PIK3AP1: variants seen among roughly 807,000 people sequenced by gnomAD.
PIK3AP1 encodes phosphoinositide 3-kinase adapter protein 1.
In PIK3AP1, 21 loss-of-function variants were observed where a neutral mutation model predicts 88.1. That is an observed-to-expected ratio of 0.24 (90% CI 0.17 to 0.34). The LOEUF (loss-of-function observed/expected upper bound fraction) is 0.34. PIK3AP1 is among the 10% of genes least tolerant of loss of function. The pLI is 1.00. For missense variants in PIK3AP1, 828 were observed against 1,035.7 expected, an observed-to-expected ratio of 0.80 and a Z score of 2.75; for synonymous variants, 398 against 400.0, an observed-to-expected ratio of 1.00 and a Z score of 0.06.
intron 12 of PIK3AP1, among the ~76,000 whole-genome samples, chr10:96,617,077 G>A (rs1202947255): frequency 6.6e-6 from 1 of 152,110 alleles, no homozygotes; most frequent in African/African-American, 2.4e-5. Flanking sequence ...ATGGATGTTG[G>A]TTCTTCTCCA....
intron 11 of PIK3AP1, chr10:96,621,832 T>C (rs559675265): frequency 1.3e-5 from 2 of 152,382 alleles, no homozygotes; most frequent in South Asian, 4.1e-4. Flanking sequence ...GTGTGTCCTG[T>C]GTATTGTAGG....
At chr10:96,614,624 C>T (rs1849183887) in intron 13 of PIK3AP1, among the ~76,000 whole-genome samples, 1 of 152,182 alleles carries the variant, frequency 6.6e-6, no homozygotes, top group African/African-American at 2.4e-5. Flanking sequence ...CATGGTGGAA[C>T]AGACCCTAGT....
Position 96,713,137 on chromosome 10 carries a change from G to A in PIK3AP1, c.14-3154C>T, listed in dbSNP as rs977169995. Among the ~76,000 whole-genome samples, 20 of 152,190 alleles carry A rather than the reference G, an allele frequency of 1.3e-4. 1 individual carries two copies. The highest frequency in any genetic ancestry group is 3.6e-4 in the African/African-American group (15 of 41,530). On this transcript the variant is annotated intron_variant, in intron 1 of 16. Coordinates refer to ENST00000339364, the MANE Select transcript of PIK3AP1 (RefSeq NM_152309.3). ...ATCACTTTGGGAGGCCAGGGCGGGC[G>A]GATTGCTTGAGCTCAGGAGTTTCAG...
At chr10:96,624,379 C>A (rs530528171) in intron 10 of PIK3AP1, among the ~76,000 whole-genome samples, 51 of 152,286 alleles carry the variant, frequency 3.3e-4, no homozygotes, top group African/African-American at 1.2e-3. Flanking sequence ...CTCTACAATG[C>A]CTTACAGTTT....
chr10:96,600,180 G>C (rs78165814), intron 16 of PIK3AP1, among the ~76,000 whole-genome samples: 15,470 of 152,218 alleles, frequency 0.1, 902 homozygotes, highest in Non-Finnish European at 0.14. Context: ...AAGTCTGGCA[G>C]GTTTGCCACA....
At chr10:96,694,276 C>A (rs1032174746) in intron 2 of PIK3AP1, among the ~76,000 whole-genome samples, 1 of 152,136 alleles carries the variant, frequency 6.6e-6, no homozygotes, top group Non-Finnish European at 1.5e-5. Flanking sequence ...CATCAAGTCT[C>A]CCCTGGATCT....
chr10:96,663,897 C>G (rs954595678), intron 2 of PIK3AP1, among the ~76,000 whole-genome samples: 1 of 152,098 alleles, frequency 6.6e-6, no homozygotes, highest in African/African-American at 2.4e-5. Flanking sequence ...TTTAGCTTTT[C>G]AAATTAGAAA....
At chr10:96,667,019 T>C (rs1195531956) in intron 2 of PIK3AP1, among the ~76,000 whole-genome samples, 3 of 152,202 alleles carry the variant, frequency 2.0e-5, no homozygotes, top group African/African-American at 7.2e-5. Flanking sequence ...CGCCTAAAGG[T>C]GCTGCCTTGT....
At chr10:96,696,800 C>T (rs11188888) in intron 2 of PIK3AP1, among the ~76,000 whole-genome samples, 47,614 of 152,076 alleles carry the variant, frequency 0.31, 7,709 homozygotes, top group East Asian at 0.53. Flanking sequence ...ATTATTAATG[C>T]ATTTAAAGTT....
intron 3 of PIK3AP1, among the ~76,000 whole-genome samples, chr10:96,656,446 C>T (rs1341920577): frequency 6.6e-6 from 1 of 152,200 alleles, no homozygotes; most frequent in East Asian, 1.9e-4. Context: ...CATTTCCTTC[C>T]TCCCAGCACT....
rs191430086 is a variant in PIK3AP1 at position 96,601,259 on chromosome 10, A to G, written c.2360+1021T>C. ...GAGGCTGAGGCGAGCAGATTACCTG[A>G]AGTCAGGAGTTCGAGGCCAGCCTAG... On this transcript the variant is annotated intron_variant, in intron 16 of 16. Coordinates refer to ENST00000339364, the MANE Select transcript of PIK3AP1 (RefSeq NM_152309.3). Among the ~76,000 whole-genome samples the G allele has an allele frequency of 3.1e-4, 47 of 152,188 alleles. No individual in the cohort carries two copies. In the Middle Eastern group the frequency reaches 0.02, roughly 66 times the overall value.
At chr10:96,689,225 G>A (rs1844118053) in intron 2 of PIK3AP1, among the ~76,000 whole-genome samples, 3 of 151,840 alleles carry the variant, frequency 2.0e-5, no homozygotes, top group Non-Finnish European at 4.4e-5. Context: ...GAGTTCCCTC[G>A]TCCTGGGATG....
intron 13 of PIK3AP1, among the ~76,000 whole-genome samples, chr10:96,612,200 T>C (rs1849123251): frequency 1.3e-5 from 2 of 152,158 alleles, no homozygotes; most frequent in Admixed American, 1.3e-4. Flanking sequence ...CTCTACGTCC[T>C]GCTCCACAGG....
intron 2 of PIK3AP1, among the ~76,000 whole-genome samples, chr10:96,707,119 C>T (rs1320644922): frequency 6.6e-6 from 1 of 152,206 alleles, no homozygotes; most frequent in Non-Finnish European, 1.5e-5. Context: ...TGAGTTCATT[C>T]TTTCCGAGAC....
chr10:96,669,246 C>T (rs571408949), intron 2 of PIK3AP1, among the ~76,000 whole-genome samples: 1 of 152,300 alleles, frequency 6.6e-6, no homozygotes, highest in South Asian at 2.1e-4. Context: ...TCAGCTGTTA[C>T]GATGTTCATT....
chr10:96,687,290 AAAG>A, intron 2 of PIK3AP1, among the ~76,000 whole-genome samples: 1 of 147,142 alleles, frequency 6.8e-6, no homozygotes, highest in African/African-American at 2.7e-5. Flanking sequence ...AAAAAAGAAA[AAAG>A]ATCTCCTCCT....
At chr10:96,599,604 A>G (rs372880683) in intron 16 of PIK3AP1, among the ~76,000 whole-genome samples, 1 of 152,192 alleles carries the variant, frequency 6.6e-6, no homozygotes, top group Non-Finnish European at 1.5e-5. Context: ...CAGATCTGAC[A>G]GTGGAGTCTA....
intron 2 of PIK3AP1, among the ~76,000 whole-genome samples, chr10:96,688,019 C>T (rs1203905660): frequency 6.6e-6 from 1 of 151,888 alleles, no homozygotes; most frequent in Non-Finnish European, 1.5e-5. Flanking sequence ...GGGTGGGGGA[C>T]AGGAAATTTC....
Position 96,595,534 on chromosome 10 carries a change from T to G in PIK3AP1, c.*43A>C, listed in dbSNP as rs750021667. ...GACATCATTAACAGGCTGAAGACTG[T>G]GAGTCTTAAAGTCCTGAAGTAGGCA... is the stretch of plus-strand genomic sequence containing the variant. On this transcript the variant is annotated 3_prime_UTR_variant, in exon 17 of 17. Transcript: ENST00000339364. The G allele has an allele frequency of 6.4e-7, 1 of 1,561,504 alleles. No homozygotes were observed. Among genetic ancestry groups the G allele is most frequent in the Admixed American group, 1.7e-5 (1 of 59,852 alleles).
Sources: gnomAD v4.1 joint callset for allele counts (sites outside exome capture counted in the v4.1 genomes callset) on GRCh38, gnomAD v4.1.1 for gene constraint, MANE v1.5 for transcripts, NCBI Gene and HGNC (gene_info 2026-07-23, HGNC 2026-07-21) for gene names.